Variants in CBR4 observed in about 807,000 individuals in gnomAD.
CBR4 encodes carbonyl reductase 4.
In CBR4, 22 loss-of-function variants were observed where a neutral mutation model predicts 21.0. The observed-to-expected ratio is 1.05, with a 90% CI of 0.75 to 1.50. The LOEUF is 1.50. Ranked by LOEUF, CBR4 falls within the 40% of genes most tolerant of loss-of-function variation. The pLI, the probability that CBR4 is intolerant of heterozygous loss-of-function variation, is 0.00. For synonymous variants in CBR4, 100 were observed against 104.4 expected, an observed-to-expected ratio of 0.96 and a Z score of 0.26; for missense variants, 302 against 286.3, an observed-to-expected ratio of 1.05 and a Z score of -0.40.
chr4:168,985,224 G>A (rs1560978157), downstream of CBR4, among the ~76,000 whole-genome samples: 1 of 152,044 alleles, frequency 6.6e-6, no homozygotes, highest in Admixed American at 6.6e-5. Flanking sequence ...TTAAAAAATG[G>A]GCAAGGATGT....
intron 2 of CBR4, chr4:168,913,814 T>C: frequency 1.3e-6 from 1 of 785,646 alleles, no homozygotes. Context: ...TCAAATGGCA[T>C]ACTGAATTTT....
chr4:168,953,835 A>C (rs17543378), intron 2 of CBR4, among the ~76,000 whole-genome samples: 7,831 of 152,266 alleles, frequency 0.051, 257 homozygotes, highest in Middle Eastern at 0.075. Flanking sequence ...AGAAGCTTGG[A>C]AAGTTAGAGC....
At chr4:169,007,516 AAT>A (rs1731004993) in intron 2 of CBR4, 118 bp downstream of exon 2, 3 of 513,440 alleles carry the variant, frequency 5.8e-6, no homozygotes, top group South Asian at 4.8e-5. Flanking sequence ...CAAGTTTTAA[AAT>A]AGTTTTTTCT....
intron 2 of CBR4, among the ~76,000 whole-genome samples, chr4:168,978,522 T>TC (rs1036946169): frequency 4.6e-5 from 7 of 151,916 alleles, no homozygotes; most frequent in South Asian, 4.2e-4. Context: ...CAAGTGAGGC[T>TC]CCCCCCTGCA....
chr4:168,931,514 C>T (rs113595469), intron 2 of CBR4, among the ~76,000 whole-genome samples: 139 of 152,146 alleles, frequency 9.1e-4, no homozygotes, highest in African/African-American at 3.2e-3. Flanking sequence ...TAAGAAAGAG[C>T]CCCATGGGGT....
intron 4 of CBR4, among the ~76,000 whole-genome samples, chr4:168,992,108 TA>T: frequency 6.6e-6 from 1 of 152,244 alleles, no homozygotes; most frequent in East Asian, 1.9e-4. Context: ...CGCATTTTCT[TA>T]AAAGTCTTGT....
chr4:168,948,187 T>G (rs1454193240), intron 2 of CBR4, among the ~76,000 whole-genome samples: 1 of 152,214 alleles, frequency 6.6e-6, no homozygotes, highest in Admixed American at 6.5e-5. Flanking sequence ...TTTTGAAAAC[T>G]GTCTATTCAT....
Position 168,953,423 on chromosome 4 carries a change from A to AT in CBR4, n.169+48647dup, listed in dbSNP as rs200084786. The stretch of plus-strand genomic sequence containing the variant: ...AAAACCTACATTCACTCTGATCTGC[A>AT]TTTTTTTTTTTGGTTTTTTGGAGAC... On this transcript the variant is annotated intron_variant and non_coding_transcript_variant, in intron 2 of 3. Coordinates refer to the CBR4 transcript ENST00000509108. Among the ~76,000 whole-genome samples, 836 of 145,170 alleles carry AT rather than the reference A, an allele frequency of 5.8e-3. 7 individuals carry two copies. The highest frequency in any genetic ancestry group is 0.012 in the East Asian group (62 of 5,002).
chr4:168,956,635 G>T (rs1056714392), intron 2 of CBR4, among the ~76,000 whole-genome samples: 2 of 135,960 alleles, frequency 1.5e-5, no homozygotes. Context: ...AAACAGAATG[G>T]AAATAATATT....
chr4:168,911,315 A>G (rs1430001386), intron 2 of CBR4, among the ~76,000 whole-genome samples: 1 of 152,322 alleles, frequency 6.6e-6, no homozygotes, highest in African/African-American at 2.4e-5. Context: ...AACTTACATT[A>G]TATCTTTTTC....
downstream of CBR4, among the ~76,000 whole-genome samples, chr4:168,986,864 C>T (rs948444101): frequency 6.6e-6 from 1 of 152,080 alleles, no homozygotes; most frequent in Non-Finnish European, 1.5e-5. Context: ...ATCATTGGAG[C>T]CCAGGAGTTG....
intron 2 of CBR4, among the ~76,000 whole-genome samples, chr4:168,980,910 T>C (rs559789729): frequency 1.5e-4 from 23 of 152,206 alleles, no homozygotes; most frequent in African/African-American, 5.5e-4. Flanking sequence ...AGTCTCCTTA[T>C]TTACAAATGA....
chr4:168,976,804 A>T (rs1419494481), intron 2 of CBR4, among the ~76,000 whole-genome samples: 1 of 152,266 alleles, frequency 6.6e-6, no homozygotes, highest in Admixed American at 6.5e-5. Flanking sequence ...GCAGGAACAA[A>T]TCACAATGGT....
At chr4:168,927,089 T>TAATA (rs1173877068) in intron 2 of CBR4, 2 of 222,172 alleles carry the variant, frequency 9.0e-6, no homozygotes, top group African/African-American at 4.5e-5. Flanking sequence ...TAAATATAAA[T>TAATA]AATATAAAGT....
chr4:168,898,156 A>C (rs1755656687), intron 2 of CBR4: 6 of 347,788 alleles, frequency 1.7e-5, no homozygotes, highest in Non-Finnish European at 2.7e-5. Flanking sequence ...ATTATATTTT[A>C]TTGTTATCAA....
In CBR4 at chr4:168,955,027, T is replaced by C. The variant is rs1197216997; in HGVS notation, n.169+47044A>G. 2.3e-4 allele frequency among the ~76,000 whole-genome samples: 35 copies of C among 152,208 alleles called. 2 individuals carry two copies. The highest frequency in any genetic ancestry group is 2.3e-3 in the Admixed American group (35 of 15,276). On this transcript the variant is annotated intron_variant and non_coding_transcript_variant, in intron 2 of 3. Coordinates refer to the CBR4 transcript ENST00000509108. ...ATGAACAAGAAATAGAATTATCAATTCCAGGAAAAACAAAATACTGTGCAG... is the reference window on the plus strand; with the variant it reads ...ATGAACAAGAAATAGAATTATCAATCCCAGGAAAAACAAAATACTGTGCAG...
chr4:168,935,195 C>T (rs1401290706), intron 2 of CBR4, among the ~76,000 whole-genome samples: 1 of 152,190 alleles, frequency 6.6e-6, no homozygotes, highest in Non-Finnish European at 1.5e-5. Context: ...CCTCCCCTAG[C>T]CAAGGGAAGC....
intron 1 of CBR4, among the ~76,000 whole-genome samples, chr4:169,008,626 G>C (rs1374546731): frequency 6.6e-6 from 1 of 152,128 alleles, no homozygotes; most frequent in Non-Finnish European, 1.5e-5. Flanking sequence ...GGAATGCAGG[G>C]CCCAAAAGCA....
chr4:168,938,101 A>G (rs1763162560), intron 2 of CBR4, among the ~76,000 whole-genome samples: 1 of 152,252 alleles, frequency 6.6e-6, no homozygotes, highest in African/African-American at 2.4e-5. Context: ...AATGGAAATC[A>G]TAACAAACAG....
Sources: gnomAD v4.1 joint callset for allele counts (sites outside exome capture counted in the v4.1 genomes callset) on GRCh38, gnomAD v4.1.1 for gene constraint, MANE v1.5 for transcripts, NCBI Gene and HGNC (gene_info 2026-07-23, HGNC 2026-07-21) for gene names.